BRME1: variants seen among roughly 807,000 people sequenced by gnomAD.
BRME1 encodes the protein BRCA2 and MEILB2-associating protein 1.
In BRME1, 31 loss-of-function variants were observed where a neutral mutation model predicts 52.6. That is an observed-to-expected ratio of 0.59 (90% CI 0.44 to 0.80). The LOEUF (loss-of-function observed/expected upper bound fraction) is 0.80. Ranked by LOEUF, BRME1 falls within the 30% of genes least tolerant of loss-of-function variation. The pLI, the probability that BRME1 is intolerant of heterozygous loss-of-function variation, is 0.00. For missense variants in BRME1, 804 were observed against 860.3 expected, an observed-to-expected ratio of 0.93 and a Z score of 0.82; for synonymous variants, 359 against 353.6, an observed-to-expected ratio of 1.02 and a Z score of -0.17.
intron 2 of BRME1, among the ~76,000 whole-genome samples, chr19:13,900,712 A>T (rs1035071237): frequency 6.6e-6 from 1 of 151,680 alleles, no homozygotes; most frequent in African/African-American, 2.4e-5. Flanking sequence ...TTTTAGACAG[A>T]GTCTCACTCT....
rs556032311 is a variant in BRME1, at chr19:13,896,195, G to C, written c.32-649C>G. Among the ~76,000 whole-genome samples the C allele has an allele frequency of 5.6e-3, 852 of 151,892 alleles. 10 individuals carry two copies. Among genetic ancestry groups the C allele is most frequent in the African/African-American group, 0.02 (820 of 41,448 alleles). On this transcript the variant is annotated intron_variant, in intron 2 of 8. Coordinates refer to ENST00000586783, the MANE Select transcript of BRME1 (RefSeq NM_001345843.2). ...TGAGGCAGGAGAATCGCTTGAACCT[G>C]GTAGGCGGAAGTTGCAGTGAGCTGA...
chr19:13,883,191 A>G lies in BRME1; in HGVS notation c.1856+117T>C. On this transcript the variant is annotated intron_variant, in intron 8 of 8. Coordinates refer to ENST00000586783, the MANE Select transcript of BRME1 (RefSeq NM_001345843.2). The surrounding 1 kb of genome is among the most constrained non-coding windows in gnomAD (Gnocchi z 4.2). Reference sequence around the variant, plus strand: ...CCACGGTGAGGACCCAGCAGCAGTGAGGTGCCTGACCCTCGCTGCCCACCT... The same window carrying G: ...CCACGGTGAGGACCCAGCAGCAGTGGGGTGCCTGACCCTCGCTGCCCACCT... 1 of 1,029,488 alleles carries G rather than the reference A, an allele frequency of 9.7e-7. No individual in the cohort carries two copies. The highest frequency in any genetic ancestry group is 2.3e-5 in the Admixed American group (1 of 43,772). The allele number at this position is 1,029,488 out of a possible 1,614,324, so 63.8% of individuals were successfully genotyped here.
chr19:13,897,284 G>A (rs1220730300), intron 2 of BRME1, among the ~76,000 whole-genome samples: 6 of 151,908 alleles, frequency 3.9e-5, no homozygotes, highest in Admixed American at 2.6e-4. Context: ...TGATCCGCCC[G>A]CCTCGGCCTC....
At chr19:13,897,846 A>T (rs1273431095) in intron 2 of BRME1, among the ~76,000 whole-genome samples, 9 of 145,378 alleles carry the variant, frequency 6.2e-5, no homozygotes, top group Non-Finnish European at 3.0e-5. Context: ...GGGCAACAGA[A>T]CTAGAGCCTG....
At chr19:13,885,067 G>T (rs1472693925) in intron 7 of BRME1, 1 of 152,464 alleles carries the variant, frequency 6.6e-6, no homozygotes, top group African/African-American at 2.4e-5. Context: ...TGGTCCACGT[G>T]CAGGTTGTGT....
rs1227896093 is a variant in BRME1 at position 13,898,907 on chromosome 19, G to C, written c.32-3361C>G. 3.5e-5 allele frequency among the ~76,000 whole-genome samples: 4 copies of C among 113,144 alleles called. No homozygotes were observed. In the East Asian group the frequency reaches 1.1e-3, roughly 31 times the overall value. The allele number at this position is 113,144 out of a possible 152,430, so 74.2% of individuals were successfully genotyped here. A position where few individuals can be genotyped will look rare whatever the true frequency, so the allele number is the denominator to read the frequency against. ...CATTGCACTCCAGCCTGGGCAACAA[G>C]AGTGAAACTCCATCTCAAAAAAAAA... On this transcript the variant is annotated intron_variant, in intron 2 of 8. Coordinates refer to ENST00000586783, the MANE Select transcript of BRME1 (RefSeq NM_001345843.2).
chr19:13,902,620 C>G (rs1970374551), intron 2 of BRME1, among the ~76,000 whole-genome samples: 2 of 147,048 alleles, frequency 1.4e-5, no homozygotes, highest in South Asian at 4.4e-4. Flanking sequence ...GATCAAGACT[C>G]TGTCTCAAAA....
intron 6 of BRME1, among the ~76,000 whole-genome samples, chr19:13,887,244 G>C (rs1045969018): frequency 6.6e-6 from 1 of 152,172 alleles, no homozygotes; most frequent in Non-Finnish European, 1.5e-5. Context: ...CACGGGCCTC[G>C]GCCTTCCTGC....
At chr19:13,899,136 A>ATTC (rs542994317) in intron 2 of BRME1, among the ~76,000 whole-genome samples, 4 of 144,142 alleles carry the variant, frequency 2.8e-5, no homozygotes, top group South Asian at 2.2e-4. Context: ...ATTGCTTCTA[A>ATTC]TTCTTCTTCT....
intron 2 of BRME1, among the ~76,000 whole-genome samples, chr19:13,902,729 C>T (rs1423799884): frequency 6.6e-6 from 1 of 151,596 alleles, no homozygotes; most frequent in African/African-American, 2.4e-5. Flanking sequence ...GTTGGGAGTT[C>T]AAGACCAGCC....
chr19:13,893,753 C>T (rs1374944684), intron 3 of BRME1, among the ~76,000 whole-genome samples: 1 of 151,850 alleles, frequency 6.6e-6, no homozygotes, highest in African/African-American at 2.4e-5. Context: ...CCCTTTTCTA[C>T]AAAAAATTTA....
At position 13,893,150 on chromosome 19, in the gene BRME1, G is replaced by C. The variant is rs780924564; in HGVS notation, c.280C>G (p.Pro94Ala). The change falls in exon 4 of 9, where the codon CCT becomes GCT. Residue 94 changes from proline (P) to alanine (A), a missense_variant. By Grantham distance (27) the Pro-to-Ala change is conservative. Transcript: ENST00000586783. ...QPEKEPAPLP[P>A]SQNSFGRFVP... ...CCACAGGACGAGCTCACCTGGGAAG[G>C]AGGAAGGGGAGCTGGCTCCTTTTCT... 5 of 1,597,038 alleles carry C rather than the reference G, an allele frequency of 3.1e-6. No homozygotes were observed. The highest frequency in any genetic ancestry group is 4.3e-6 in the Non-Finnish European group (5 of 1,172,772).
chr19:13,892,708 G>A, intron 5 of BRME1, 78 bp downstream of exon 5: 1 of 1,185,430 alleles, frequency 8.4e-7, no homozygotes, highest in East Asian at 2.4e-5. Context: ...AGAACTCCAG[G>A]GTTAAATGGG....
chr19:13,889,664 T>C lies in BRME1; in HGVS notation c.1192A>G (p.Ser398Gly), dbSNP rs748337980. The C allele has an allele frequency of 6.2e-7, 1 of 1,610,020 alleles. No homozygotes were observed. The highest frequency in any genetic ancestry group is 1.1e-5 in the South Asian group (1 of 90,806). ...TSLTGETTGESGEAGQDGKPP... is the reference protein window; with the variant it reads ...TSLTGETTGEGGEAGQDGKPP... ...TTGCCATCCTGCCCTGCCTCCCCAC[T>C]TTCTCCTGTGGTTTCCCCAGTGAGC... Residue 398 changes from serine (S) to glycine (G), a missense_variant, in exon 6 of 9, where the codon AGT becomes GGT. By Grantham distance (56) the Ser-to-Gly change is moderately conservative. Coordinates refer to ENST00000586783, the MANE Select transcript of BRME1 (RefSeq NM_001345843.2).
In BRME1 at chr19:13,883,087, AGGGCCTGTTGTAGCACAGGCT is replaced by A. The variant is rs61103104; in HGVS notation, c.1857-156_1857-136del. 0.23 allele frequency: 268,918 copies of A among 1,175,196 alleles called. 39,652 individuals carry two copies. Among genetic ancestry groups the A allele is most frequent in the African/African-American group, 0.67 (42,532 of 63,484 alleles). The allele number at this position is 1,175,196 out of a possible 1,614,324, so 72.8% of individuals were successfully genotyped here. A position where few individuals can be genotyped will look rare whatever the true frequency, so the allele number is the denominator to read the frequency against. ...CTCACACACGTGCACATAACCAGAA[AGGGCCTGTTGTAGCACAGGCT>A]GGGCCTGTTGCAGCCTTTCTTCAGA... On this transcript the variant is annotated intron_variant, in intron 8 of 8. Coordinates refer to ENST00000586783, the MANE Select transcript of BRME1 (RefSeq NM_001345843.2). The surrounding 1 kb of genome is among the most constrained non-coding windows in gnomAD (Gnocchi z 4.2).
intron 2 of BRME1, among the ~76,000 whole-genome samples, chr19:13,904,421 CA>C (rs1407597992): frequency 1.3e-5 from 2 of 150,154 alleles, no homozygotes; most frequent in Non-Finnish European, 3.0e-5. Flanking sequence ...TTTTTCTTAC[CA>C]GCATGAATTA....
Position 13,895,128 on chromosome 19 carries a change from C to G in BRME1, c.206+244G>C, listed in dbSNP as rs529574816. On this transcript the variant is annotated intron_variant, in intron 3 of 8. Transcript: ENST00000586783. ...TCGTGACCTCAAGTGATCTTCCCCC[C>G]TCGGCCTCCCAAAGTGTTGGGATTA... Among the ~76,000 whole-genome samples, 3 of 152,260 alleles carry G rather than the reference C, an allele frequency of 2.0e-5. 1 individual carries two copies. Among genetic ancestry groups the G allele is most frequent in the Admixed American group, 1.3e-4 (2 of 15,284 alleles).
intron 6 of BRME1, 84 bp from the exon 7 acceptor site, chr19:13,886,139 T>A: frequency 8.3e-7 from 1 of 1,200,248 alleles, no homozygotes; most frequent in Non-Finnish European, 1.2e-6. Context: ...ACGCTGATGC[T>A]TTTGGCTTCA....
intron 5 of BRME1, among the ~76,000 whole-genome samples, 195 bp from the exon 6 acceptor site, chr19:13,890,657 G>A (rs976108981): frequency 6.6e-6 from 1 of 152,170 alleles, no homozygotes; most frequent in African/African-American, 2.4e-5. Context: ...TTGAGGTCAG[G>A]AGTTCAAGAT....
Sources: allele counts gnomAD v4.1 joint callset (sites outside exome capture counted in the v4.1 genomes callset), GRCh38; gene constraint gnomAD v4.1.1; non-coding constraint Gnocchi (gnomAD v3.1); transcripts MANE v1.5; gene names NCBI Gene and HGNC (gene_info 2026-07-23, HGNC 2026-07-21).